Variants in RGPD1 observed in about 807,000 individuals in gnomAD.
The protein encoded by RGPD1 is RANBP2 like and GRIP domain containing 1, also known as RANBP2-like and GRIP domain-containing protein 1.
RGPD1 carries 7 observed loss-of-function variants against 40.6 expected under a neutral mutation model. The observed-to-expected ratio is 0.17, with a 90% CI of 0.10 to 0.32. The LOEUF (loss-of-function observed/expected upper bound fraction) is 0.32. Among genes scored for constraint, RGPD1 ranks in the 10% least tolerant of loss-of-function variants. The pLI is 1.00. For synonymous variants in RGPD1, 24 were observed against 167.0 expected (o/e 0.14, Z 6.60); for missense variants, 50 against 472.5 (o/e 0.11, Z 8.29).
chr2:86,945,041 TAA>T (rs1170415303), intron 1 of RGPD1, among the ~76,000 whole-genome samples: 4 of 139,434 alleles, frequency 2.9e-5, no homozygotes, highest in Non-Finnish European at 4.7e-5. Context: ...TAAACAAGCT[TAA>T]AAAAAAAAAA....
At chr2:86,943,705 T>C (rs1680100819) in intron 1 of RGPD1, among the ~76,000 whole-genome samples, 1 of 152,186 alleles carries the variant, frequency 6.6e-6, no homozygotes, top group African/African-American at 2.4e-5. Context: ...TCACTGTTTT[T>C]ATTGTTGATG....
upstream of RGPD1, among the ~76,000 whole-genome samples, chr2:86,940,790 C>T (rs1679680633): frequency 6.6e-6 from 1 of 150,544 alleles, no homozygotes; most frequent in South Asian, 2.1e-4. Flanking sequence ...ACCATTTCAT[C>T]TTCCTACTAG....
intron 1 of RGPD1, among the ~76,000 whole-genome samples, chr2:86,924,968 A>T (rs1368972629): frequency 6.6e-6 from 1 of 151,186 alleles, no homozygotes; most frequent in South Asian, 2.1e-4. Flanking sequence ...AAAAAATTTG[A>T]AAATTAGCCA....
chr2:87,006,838 T>C (rs1463222873), intron 22 of RGPD1, among the ~76,000 whole-genome samples: 1 of 53,360 alleles, frequency 1.9e-5, no homozygotes, highest in African/African-American at 1.1e-4. Flanking sequence ...TTCAATCGTA[T>C]ACTGCTTTTC....
intron 1 of RGPD1, 65 bp downstream of exon 1, chr2:86,942,373 G>T (rs978060975): frequency 6.9e-7 from 1 of 1,440,846 alleles, no homozygotes; most frequent in Non-Finnish European, 9.2e-7. Context: ...ACCTGGCCGG[G>T]CGGCGGCCTC....
upstream of RGPD1, among the ~76,000 whole-genome samples, chr2:86,941,449 G>A (rs1451761323): frequency 1.3e-4 from 19 of 148,670 alleles, no homozygotes; most frequent in African/African-American, 3.2e-4. Context: ...ATGCAGTGGC[G>A]CTATCACAGT....
chr2:86,929,931 TTATGGGA>T (rs1678797326), intron 1 of RGPD1, among the ~76,000 whole-genome samples: 1 of 132,096 alleles, frequency 7.6e-6, no homozygotes, highest in Non-Finnish European at 1.7e-5. Context: ...TCAAAACTAC[TTATGGGA>T]TGTCCCCTTC....
At chr2:86,927,033 A>C (rs71217805) in intron 1 of RGPD1, among the ~76,000 whole-genome samples, 10 of 152,116 alleles carry the variant, frequency 6.6e-5, no homozygotes, top group African/African-American at 1.4e-4. Flanking sequence ...TGCTCTTCCC[A>C]TTTTCATGAT....
chr2:86,914,590 GCCTTGGCCTCGA>G (rs1271314443), intron 1 of RGPD1, among the ~76,000 whole-genome samples: 1 of 71,986 alleles, frequency 1.4e-5, no homozygotes, highest in African/African-American at 5.3e-5. Flanking sequence ...CTCGGCCTCG[GCCTTGGCCTCGA>G]CCTGGCCGGG....
chr2:86,923,306 C>T lies in RGPD1; in HGVS notation c.72+9385C>T, dbSNP rs187148953. 5.8e-4 allele frequency among the ~76,000 whole-genome samples: 88 copies of T among 151,812 alleles called. 1 individual carries two copies. Among genetic ancestry groups the T allele is most frequent in the South Asian group, 1.5e-3 (7 of 4,824 alleles). Reference sequence around the variant, plus strand: ...TTCCTGACCTTGGTGTCCCAAAGTGCTGGGATTACAGGCATGAGCCACTGC... The same window carrying T: ...TTCCTGACCTTGGTGTCCCAAAGTGTTGGGATTACAGGCATGAGCCACTGC... On this transcript the variant is annotated intron_variant, in intron 1 of 22. Coordinates refer to the RGPD1 transcript ENST00000398193.
At chr2:86,930,761 A>G (rs1231483061) in intron 1 of RGPD1, 2 of 1,371,204 alleles carry the variant, frequency 1.5e-6, no homozygotes, top group African/African-American at 3.3e-5. Flanking sequence ...CCATACCTCC[A>G]CCTACAGCCC....
chr2:86,939,536 G>A (rs372372512), upstream of RGPD1, among the ~76,000 whole-genome samples: 60 of 140,404 alleles, frequency 4.3e-4, 1 homozygote, highest in East Asian at 9.7e-3. Context: ...CCGAGATTGC[G>A]CCACTGGAGT....
intron 1 of RGPD1, among the ~76,000 whole-genome samples, chr2:86,936,882 CACAG>C (rs1679391180): frequency 7.0e-6 from 1 of 142,322 alleles, no homozygotes; most frequent in Admixed American, 7.0e-5. Context: ...GTCACAAAAG[CACAG>C]ACATTGCTTA....
upstream of RGPD1, among the ~76,000 whole-genome samples, chr2:86,941,020 A>G (rs1679703180): frequency 6.6e-6 from 1 of 151,116 alleles, no homozygotes; most frequent in Non-Finnish European, 1.5e-5. Flanking sequence ...TAGAAAGGCA[A>G]TACTTGTTCA....
At position 86,951,870 on chromosome 2, in the gene RGPD1, A is replaced by AG. The variant is rs1491283481; in HGVS notation, c.137+513dup. Among the ~76,000 whole-genome samples the AG allele has an allele frequency of 1.3e-4, 4 of 31,154 alleles. No individual in the cohort carries two copies. In the East Asian group the frequency reaches 3.6e-3, roughly 28 times the overall value. The allele number at this position is 31,154 out of a possible 152,430, so 20.4% of individuals were successfully genotyped here. A position where few individuals can be genotyped will look rare whatever the true frequency, so the allele number is the denominator to read the frequency against. On this transcript the variant is annotated intron_variant, in intron 2 of 22. Transcript: ENST00000641458. The stretch of plus-strand genomic sequence containing the variant: ...TAAAGCAGGAAATTAAGAGGGAGGC[A>AG]GGGTTTTTTTTTTTTTTTTTTTTTT...
At chr2:86,947,942 AAG>A (rs1335746219) in intron 1 of RGPD1, among the ~76,000 whole-genome samples, 7 of 95,964 alleles carry the variant, frequency 7.3e-5, no homozygotes, top group African/African-American at 1.6e-4. Flanking sequence ...ATTAAAAAAA[AAG>A]AGAGAGAAAT....
intron 1 of RGPD1, among the ~76,000 whole-genome samples, chr2:86,942,535 GGCCGGGC>G (rs779508206): frequency 8.3e-6 from 1 of 120,886 alleles, no homozygotes; most frequent in Non-Finnish European, 1.8e-5. Context: ...GCCTCGACCT[GGCCGGGC>G]GGCGGCGGCG....
intron 1 of RGPD1, among the ~76,000 whole-genome samples, chr2:86,935,841 TGTG>T (rs1264684863): frequency 7.0e-6 from 1 of 142,280 alleles, no homozygotes; most frequent in Non-Finnish European, 1.6e-5. Flanking sequence ...TTAGGAATAG[TGTG>T]GTTTTCTTCA....
intron 1 of RGPD1, among the ~76,000 whole-genome samples, chr2:86,943,152 G>A (rs891161156): frequency 6.6e-6 from 1 of 151,264 alleles, no homozygotes; most frequent in African/African-American, 2.4e-5. Flanking sequence ...AGGCATCTCA[G>A]CACGGACATT....
Sources: gnomAD v4.1 joint callset for allele counts (sites outside exome capture counted in the v4.1 genomes callset) on GRCh38, gnomAD v4.1.1 for gene constraint, MANE v1.5 for transcripts, NCBI Gene and HGNC (gene_info 2026-07-23, HGNC 2026-07-21) for gene names.